Variants in CCSER1 observed in about 807,000 individuals in gnomAD.
The protein encoded by CCSER1 is coiled-coil serine rich protein 1.
Under a neutral mutation model 82.0 loss-of-function variants are expected in CCSER1, and 41 were observed. That is an observed-to-expected ratio of 0.50 (90% CI 0.39 to 0.65). CCSER1 has a LOEUF of 0.65. Among genes scored for constraint, CCSER1 ranks in the 30% least tolerant of loss-of-function variants. CCSER1 has a pLI of 0.00. For synonymous variants in CCSER1, 414 were observed against 383.9 expected (o/e 1.08, Z -0.92); for missense variants, 1,119 against 1,064.2 (o/e 1.05, Z -0.72).
chr4:90,451,869 T>C (rs1233751090), intron 4 of CCSER1, among the ~76,000 whole-genome samples: 1 of 152,168 alleles, frequency 6.6e-6, no homozygotes, highest in African/African-American at 2.4e-5. Context: ...ATGGAAAGAA[T>C]ACCATGAATA....
intron 1 of CCSER1, among the ~76,000 whole-genome samples, chr4:90,214,672 T>C (rs1349528269): frequency 2.0e-5 from 3 of 152,176 alleles, no homozygotes; most frequent in Non-Finnish European, 4.4e-5. Context: ...AATCAGAGTT[T>C]CTGCTAATTC....
chr4:90,965,932 C>T (rs1425027375), intron 9 of CCSER1, among the ~76,000 whole-genome samples: 1 of 151,858 alleles, frequency 6.6e-6, no homozygotes, highest in Admixed American at 6.6e-5. Context: ...TTTTAAGTAC[C>T]AAATAGAAAT....
chr4:91,004,924 C>G (rs147927049), intron 9 of CCSER1, among the ~76,000 whole-genome samples: 1 of 152,076 alleles, frequency 6.6e-6, no homozygotes, highest in African/African-American at 2.4e-5. Context: ...CAGGTCTTGC[C>G]TCTAAGACCT....
chr4:90,520,888 C>T (rs995962380), intron 5 of CCSER1, among the ~76,000 whole-genome samples: 32 of 152,202 alleles, frequency 2.1e-4, no homozygotes, highest in African/African-American at 3.1e-4. Flanking sequence ...GCCTGGACAA[C>T]GGAGTGAGAC....
At chr4:90,584,424 C>G (rs961242219) in intron 5 of CCSER1, among the ~76,000 whole-genome samples, 1 of 152,162 alleles carries the variant, frequency 6.6e-6, no homozygotes, top group African/African-American at 2.4e-5. Context: ...AAGCGTAACT[C>G]TGACAGCAAC....
chr4:91,510,149 G>GC (rs1759743480), intron 10 of CCSER1, among the ~76,000 whole-genome samples: 1 of 152,028 alleles, frequency 6.6e-6, no homozygotes, highest in Admixed American at 6.6e-5. Context: ...TGGGACAATG[G>GC]CCCCCAGCTG....
chr4:91,244,032 A>G (rs1581832309), intron 10 of CCSER1, among the ~76,000 whole-genome samples: 1 of 152,198 alleles, frequency 6.6e-6, no homozygotes, highest in African/African-American at 2.4e-5. Flanking sequence ...AGGAGAGTCC[A>G]CTGCCCTGAA....
intron 6 of CCSER1, among the ~76,000 whole-genome samples, chr4:90,691,995 A>T (rs557800202): frequency 1.4e-4 from 21 of 150,430 alleles, no homozygotes; most frequent in African/African-American, 4.1e-4. Flanking sequence ...TAAATTTTTT[A>T]AAATTTTGCA....
chr4:91,383,948 C>T (rs1751103902), intron 10 of CCSER1, among the ~76,000 whole-genome samples: 1 of 151,950 alleles, frequency 6.6e-6, no homozygotes, highest in Admixed American at 6.6e-5. Context: ...TTTTAAAATC[C>T]CAACACTGCT....
intron 10 of CCSER1, among the ~76,000 whole-genome samples, chr4:91,202,050 G>A (rs1266672089): frequency 6.6e-6 from 1 of 151,740 alleles, no homozygotes; most frequent in African/African-American, 2.4e-5. Context: ...ATCACTTTTA[G>A]CACTTTTTTG....
chr4:90,503,299 A>T (rs1770189293), intron 5 of CCSER1, among the ~76,000 whole-genome samples: 1 of 152,250 alleles, frequency 6.6e-6, no homozygotes, highest in Admixed American at 6.5e-5. Flanking sequence ...GTCTTAAAAC[A>T]GATTTTAGAA....
chr4:90,854,405 C>T lies in CCSER1; in HGVS notation c.2094+38560C>T, dbSNP rs1385347381. On this transcript the variant is annotated intron_variant, in intron 8 of 10. Transcript: ENST00000509176. ...AACCATATATTTCAAGTGATTGTTG[C>T]TTTGTTATTGCTCAGATAATGTCTT... Among the ~76,000 whole-genome samples, 3 of 152,132 alleles carry T rather than the reference C, an allele frequency of 2.0e-5. No individual in the cohort carries two copies. The East Asian group carries it at 5.8e-4, about 29-fold the overall frequency.
chr4:91,135,001 A>G (rs909173587), intron 10 of CCSER1, among the ~76,000 whole-genome samples: 1 of 151,958 alleles, frequency 6.6e-6, no homozygotes, highest in Non-Finnish European at 1.5e-5. Flanking sequence ...CAGAGCTTGC[A>G]CTGAGCTGAG....
intron 9 of CCSER1, among the ~76,000 whole-genome samples, chr4:90,944,767 A>G (rs962451273): frequency 3.9e-5 from 6 of 152,166 alleles, no homozygotes; most frequent in Non-Finnish European, 5.9e-5. Flanking sequence ...CTATTAGTCT[A>G]TTGACCTGCA....
chr4:90,284,493 G>T (rs78917851), intron 1 of CCSER1, among the ~76,000 whole-genome samples: 20,602 of 127,662 alleles, frequency 0.16, 1,708 homozygotes, highest in East Asian at 0.32. Context: ...ACTTTGAATT[G>T]ATTTTTTTTT....
intron 8 of CCSER1, among the ~76,000 whole-genome samples, chr4:90,817,594 A>T (rs1473891293): frequency 6.6e-6 from 1 of 152,114 alleles, no homozygotes; most frequent in African/African-American, 2.4e-5. Flanking sequence ...ATTTTGTGCT[A>T]TTGTAGTTTC....
intron 3 of CCSER1, 136 bp from the exon 4 acceptor site, chr4:90,399,900 A>G: frequency 2.0e-6 from 1 of 504,644 alleles, no homozygotes; most frequent in East Asian, 3.0e-5. Context: ...CATAGGTGTC[A>G]AATGATTTCT....
Position 91,403,408 on chromosome 4 carries a change from C to A in CCSER1, c.2218-195164C>A, listed in dbSNP as rs1392140761. 2.0e-5 allele frequency among the ~76,000 whole-genome samples: 3 copies of A among 152,216 alleles called. No homozygotes were observed. In the East Asian group the frequency reaches 5.8e-4, roughly 29 times the overall value. ...TATTTCTTTCTTCTGCCTGACTGCCCTGGGCAGAACTTGCAACATTATGTT... is the reference window on the plus strand; with the variant it reads ...TATTTCTTTCTTCTGCCTGACTGCCATGGGCAGAACTTGCAACATTATGTT... On this transcript the variant is annotated intron_variant, in intron 10 of 10. Coordinates refer to ENST00000509176, the MANE Select transcript of CCSER1 (RefSeq NM_001145065.2).
At chr4:90,533,653 G>T (rs966735776) in intron 5 of CCSER1, among the ~76,000 whole-genome samples, 1 of 152,144 alleles carries the variant, frequency 6.6e-6, no homozygotes, top group Admixed American at 6.6e-5. Context: ...GTTTTTAGAG[G>T]AATATTTGGG....
Sources: gnomAD v4.1 joint callset for allele counts (sites outside exome capture counted in the v4.1 genomes callset) on GRCh38, gnomAD v4.1.1 for gene constraint, MANE v1.5 for transcripts, NCBI Gene and HGNC (gene_info 2026-07-23, HGNC 2026-07-21) for gene names.